The following NUCB2 variants were observed in gnomAD, a reference collection of about 807,000 sequenced individuals.
NUCB2 encodes nucleobindin-2.
A neutral mutation model predicts 57.9 loss-of-function variants in NUCB2; 48 were observed. The ratio of observed to expected loss-of-function variants is 0.83; its 90% CI spans 0.66 to 1.05. NUCB2 has a LOEUF of 1.05. NUCB2 is among the 50% of genes least tolerant of loss of function. The pLI is 0.00. For missense variants in NUCB2, 442 were observed against 476.2 expected (o/e 0.93, Z 0.67); for synonymous variants, 139 against 152.1 (o/e 0.91, Z 0.64).
chr11:17,311,257 A>G lies in NUCB2; in HGVS notation c.734A>G (p.Asp245Gly). Residue 245 changes from aspartate to glycine, a missense_variant, in exon 8 of 14, where the codon GAC (aspartate) becomes GGC (glycine). Transcript: ENST00000529010. ...GATGGATTGGATCCTAATGACTTTGACCCCAAGACATTTTTCAAATTACAT... is the reference window on the plus strand; with the variant it reads ...GATGGATTGGATCCTAATGACTTTGGCCCCAAGACATTTTTCAAATTACAT... ...ETDGLDPNDFDPKTFFKLHDV... is the reference protein window; with the variant it reads ...ETDGLDPNDFGPKTFFKLHDV... 1 of 1,608,022 alleles carries G rather than the reference A, an allele frequency of 6.2e-7. No homozygotes were observed. The highest frequency in any genetic ancestry group is 2.2e-5 in the East Asian group (1 of 44,740).
intron 10 of NUCB2, among the ~76,000 whole-genome samples, chr11:17,314,463 C>G (rs1010201866): frequency 6.6e-6 from 1 of 152,144 alleles, no homozygotes; most frequent in Non-Finnish European, 1.5e-5. Flanking sequence ...GACTCTCTCT[C>G]CTCTGGCCTT....
chr11:17,282,987 A>G (rs1018676141), intron 2 of NUCB2, 44 bp downstream of exon 2: 1 of 152,206 alleles, frequency 6.6e-6, no homozygotes, highest in Non-Finnish European at 1.5e-5. Context: ...AAACATGACT[A>G]TCACTACCAC....
chr11:17,296,275 G>C, intron 4 of NUCB2, 64 bp downstream of exon 4: 1 of 971,492 alleles, frequency 1.0e-6, no homozygotes, highest in Non-Finnish European at 1.5e-6. Flanking sequence ...TAGAGATGAG[G>C]TCTCACCATA....
At chr11:17,326,149 C>A (rs867530818) in intron 11 of NUCB2, among the ~76,000 whole-genome samples, 1 of 151,046 alleles carries the variant, frequency 6.6e-6, no homozygotes, top group African/African-American at 2.4e-5. Flanking sequence ...TATAGTCATG[C>A]ACCACCATGC....
At position 17,288,882 on chromosome 11, in the gene NUCB2, TACACACACACACACACACACACACAC is replaced by T. The variant is rs1167995024; in HGVS notation, c.-1+5983_-1+6008del. Reference sequence around the variant, plus strand: ...TAAAGTCTATTTAATAACATGTATATACACACACACACACACACACACACACACACACACACACACACACACACACA... The same window carrying T: ...TAAAGTCTATTTAATAACATGTATATACACACACACACACACACACACACA... On this transcript the variant is annotated intron_variant, in intron 2 of 13. Transcript: ENST00000529010. Among the ~76,000 whole-genome samples the T allele has an allele frequency of 4.1e-3, 181 of 44,672 alleles. 8 individuals are homozygous for T. The highest frequency in any genetic ancestry group is 0.015 in the African/African-American group (155 of 10,634). 29.3% of individuals were successfully genotyped at this position (44,672 alleles called of 152,430 possible).
rs747464818 is a variant in NUCB2 at position 17,296,132 on chromosome 11, T to C, written c.173T>C (p.Leu58Pro). The C allele has an allele frequency of 6.2e-7, 1 of 1,610,788 alleles. No homozygotes were observed. Among genetic ancestry groups the C allele is most frequent in the Non-Finnish European group, 8.5e-7 (1 of 1,177,896 alleles). ...PDTGLYYDEYLKQVIDVLETD... is the reference protein window; with the variant it reads ...PDTGLYYDEYPKQVIDVLETD... Reference sequence around the variant, plus strand: ...ACTGGACTTTATTATGATGAATATCTCAAGCAAGTGATTGATGTGCTGGAA... The same window carrying C: ...ACTGGACTTTATTATGATGAATATCCCAAGCAAGTGATTGATGTGCTGGAA... Residue 58 changes from leucine (L) to proline (P), a missense_variant, in exon 4 of 14, where the codon CTC (leucine) becomes CCC (proline). Physicochemically the swap from Leu to Pro is moderately conservative, Grantham distance 98. Transcript: ENST00000529010.
intron 5 of NUCB2, among the ~76,000 whole-genome samples, chr11:17,305,091 AGGCG>A (rs954356516): frequency 1.0e-3 from 159 of 152,308 alleles, no homozygotes; most frequent in African/African-American, 3.7e-3. Context: ...GGGGAAGCTA[AGGCG>A]GGCGGATCAC....
At chr11:17,301,406 G>A (rs1337567470) in intron 4 of NUCB2, among the ~76,000 whole-genome samples, 1 of 150,918 alleles carries the variant, frequency 6.6e-6, no homozygotes, top group East Asian at 2.0e-4. Flanking sequence ...AGCCTCCCAG[G>A]TAGCTAGGAT....
chr11:17,297,729 A>G (rs1004790707), intron 4 of NUCB2, among the ~76,000 whole-genome samples: 1 of 152,170 alleles, frequency 6.6e-6, no homozygotes, highest in Admixed American at 6.5e-5. Flanking sequence ...TTCACATTCA[A>G]TTCCTGTTTC....
intron 2 of NUCB2, among the ~76,000 whole-genome samples, chr11:17,292,212 T>C (rs1301000095): frequency 6.6e-6 from 1 of 152,216 alleles, no homozygotes; most frequent in Non-Finnish European, 1.5e-5. Context: ...TTGGCTAACC[T>C]GTGATCATAT....
At chr11:17,342,310 C>T (rs1952340470) in intron 2 of NUCB2, among the ~76,000 whole-genome samples, 1 of 151,600 alleles carries the variant, frequency 6.6e-6, no homozygotes, top group Admixed American at 6.6e-5. Context: ...TTGTGTATCT[C>T]TTTCAGTTCT....
At chr11:17,297,900 G>C (rs990534175) in intron 4 of NUCB2, among the ~76,000 whole-genome samples, 1 of 152,038 alleles carries the variant, frequency 6.6e-6, no homozygotes, top group African/African-American at 2.4e-5. Context: ...TGGCCAAGAT[G>C]GTGAAACCCT....
At chr11:17,309,532 C>T in intron 5 of NUCB2, 40 bp from the exon 6 acceptor site, 1 of 1,116,018 alleles carries the variant, frequency 9.0e-7, no homozygotes, top group Non-Finnish European at 1.3e-6. Context: ...TTTCTAGCTT[C>T]TAGAAATTGA....
intron 2 of NUCB2, among the ~76,000 whole-genome samples, chr11:17,284,325 G>T (rs1268342572): frequency 1.3e-5 from 2 of 151,982 alleles, no homozygotes; most frequent in Non-Finnish European, 2.9e-5. Context: ...GCCCCTTCCA[G>T]ACTTTTCTTT....
rs375456394 is a variant in NUCB2, at chr11:17,330,251, A to G, written c.1127A>G (p.Gln376Arg). The G allele has an allele frequency of 3.2e-5, 52 of 1,612,472 alleles. No individual in the cohort carries two copies. Among genetic ancestry groups the G allele is most frequent in the Middle Eastern group, 3.3e-4 (2 of 6,050 alleles). The change falls in exon 12 of 14, where the codon CAA becomes CGA. Residue 376 changes from glutamine to arginine, a missense_variant. Physicochemically the swap from Gln to Arg is conservative, Grantham distance 43 (BLOSUM62 1). Transcript: ENST00000529010. The surrounding 1 kb of genome is among the most constrained non-coding windows in gnomAD (Gnocchi z 4.3). ...CTTCAGAAACAAAAAGAAGAGCTAC[A>G]ACGTCAGCATGATCAACTGGAGGCT... ...DELQKQKEEL[Q>R]RQHDQLEAQK...
rs1952903180 is a variant in NUCB2, at chr11:17,348,230, G to A, written n.2627-1115G>A. On this transcript the variant is annotated intron_variant and non_coding_transcript_variant, in intron 2 of 2. Coordinates refer to the NUCB2 transcript ENST00000532240. The stretch of plus-strand genomic sequence containing the variant: ...CCAAAGTGGGTGAGCCACCATGCCT[G>A]GCCAGGTTGGACACTTTTAAAGAGT... Among the ~76,000 whole-genome samples, 5 of 151,476 alleles carry A rather than the reference G, an allele frequency of 3.3e-5. 1 individual carries two copies. The South Asian group carries it at 1.0e-3, about 32-fold the overall frequency.
intron 11 of NUCB2, among the ~76,000 whole-genome samples, chr11:17,320,254 A>G (rs1259787866): frequency 6.6e-6 from 1 of 152,246 alleles, no homozygotes; most frequent in Non-Finnish European, 1.5e-5. Flanking sequence ...TATTTCATGC[A>G]AAACCTAACT....
intron 5 of NUCB2, among the ~76,000 whole-genome samples, chr11:17,307,878 G>A (rs570440580): frequency 1.3e-5 from 2 of 152,116 alleles, no homozygotes; most frequent in South Asian, 4.2e-4. Flanking sequence ...ACACATACCC[G>A]CCAGCAATAA....
At chr11:17,290,536 C>G (rs1035093695) in intron 2 of NUCB2, among the ~76,000 whole-genome samples, 2 of 151,820 alleles carry the variant, frequency 1.3e-5, no homozygotes, top group African/African-American at 2.4e-5. Context: ...TGTTGAGACC[C>G]TGTCTCAAAA....
Sources: allele counts gnomAD v4.1 joint callset (sites outside exome capture counted in the v4.1 genomes callset), GRCh38; gene constraint gnomAD v4.1.1; non-coding constraint Gnocchi (gnomAD v3.1); transcripts MANE v1.5; gene names NCBI Gene and HGNC (gene_info 2026-07-23, HGNC 2026-07-21).